Variants in OSBPL9 observed in about 807,000 individuals in gnomAD.
The protein encoded by OSBPL9 is oxysterol-binding protein-related protein 9.
OSBPL9 carries 40 observed loss-of-function variants against 106.6 expected under a neutral mutation model. The ratio of observed to expected loss-of-function variants is 0.38; its 90% CI spans 0.29 to 0.49. The LOEUF (loss-of-function observed/expected upper bound fraction) is 0.49, where lower values mean the gene tolerates loss of function less well. OSBPL9 is among the 20% of genes least tolerant of loss of function. The pLI is 0.97. For missense variants in OSBPL9, 609 were observed against 887.2 expected (o/e 0.69, Z 3.98); for synonymous variants, 269 against 295.4 (o/e 0.91, Z 0.92).
At chr1:51,546,615 T>A in the OSBPL9 span, among the ~76,000 whole-genome samples, 1 of 151,298 alleles carries the variant, frequency 6.6e-6, no homozygotes, top group South Asian at 2.1e-4. Context: ...GAGAATGGCA[T>A]GAACCCGGGA....
At chr1:51,579,987 T>G (rs1036825366) in intron 1 of OSBPL9, among the ~76,000 whole-genome samples, 1 of 152,180 alleles carries the variant, frequency 6.6e-6, no homozygotes, top group East Asian at 1.9e-4. Context: ...CCGTCCTTGT[T>G]CTGCTGTGAG....
At position 51,787,843 on chromosome 1, in the gene OSBPL9, CAACA is replaced by C. The variant is rs1265931504; in HGVS notation, c.*60_*63del. ...GATCAGGGCAGTAGGCATAATTCAG[CAACA>C]AACAATCTTCCTTTGGGAGAAACCT... On this transcript the variant is annotated 3_prime_UTR_variant, in exon 24 of 24. Coordinates refer to ENST00000428468, the MANE Select transcript of OSBPL9 (RefSeq NM_024586.6). 6.2e-6 allele frequency: 9 copies of C among 1,453,218 alleles called. No individual in the cohort carries two copies. The highest frequency in any genetic ancestry group is 2.3e-5 in the East Asian group (1 of 44,062). The allele number at this position is 1,453,218 out of a possible 1,614,324, so 90.0% of individuals were successfully genotyped here. A position where few individuals can be genotyped will look rare whatever the true frequency, so the allele number is the denominator to read the frequency against.
At chr1:51,628,995 A>G (rs369020382) in intron 1 of OSBPL9, among the ~76,000 whole-genome samples, 13 of 152,096 alleles carry the variant, frequency 8.5e-5, no homozygotes, top group African/African-American at 3.1e-4. Context: ...AACACTCTCT[A>G]TTCACTTGAG....
At chr1:51,703,646 G>A (rs373425979) in intron 3 of OSBPL9, among the ~76,000 whole-genome samples, 4 of 152,134 alleles carry the variant, frequency 2.6e-5, no homozygotes, top group Admixed American at 6.5e-5. Flanking sequence ...TCTCCTGCCT[G>A]ATTGCCCTGG....
At chr1:51,576,146 A>AT (rs1645182518), upstream of OSBPL9, among the ~76,000 whole-genome samples, 1 of 152,138 alleles carries the variant, frequency 6.6e-6, no homozygotes, top group Admixed American at 6.5e-5. Context: ...TGTCAATTTA[A>AT]TTTTCAGGCC....
intron 1 of OSBPL9, among the ~76,000 whole-genome samples, chr1:51,592,261 C>T (rs1645279797): frequency 6.6e-6 from 1 of 151,830 alleles, no homozygotes; most frequent in Non-Finnish European, 1.5e-5. Flanking sequence ...ACTACAGGCG[C>T]CCGCCACCAC....
chr1:51,781,961 G>A (rs1319758994), intron 16 of OSBPL9, among the ~76,000 whole-genome samples: 1 of 152,104 alleles, frequency 6.6e-6, no homozygotes, highest in African/African-American at 2.4e-5. Flanking sequence ...GGTCTGAGAT[G>A]GGGATGGGGC....
At chr1:51,706,395 T>A (rs1163917339) in intron 3 of OSBPL9, among the ~76,000 whole-genome samples, 1 of 152,124 alleles carries the variant, frequency 6.6e-6, no homozygotes, top group Non-Finnish European at 1.5e-5. Context: ...GAGTTATGAG[T>A]ATGTGCATCA....
At chr1:51,725,042 T>A (rs1662863695) in intron 4 of OSBPL9, 1 of 152,366 alleles carries the variant, frequency 6.6e-6, no homozygotes, top group African/African-American at 2.4e-5. Flanking sequence ...TTTCTCTGTT[T>A]CTTCTTCTGG....
the OSBPL9 span, among the ~76,000 whole-genome samples, chr1:51,519,715 CTT>C: frequency 1.3e-5 from 2 of 151,474 alleles, no homozygotes; most frequent in African/African-American, 2.5e-5. Context: ...GTACTAGACT[CTT>C]ATTTTTTGAA....
At chr1:51,571,339 T>C in the OSBPL9 span, among the ~76,000 whole-genome samples, 1 of 152,292 alleles carries the variant, frequency 6.6e-6, no homozygotes. Flanking sequence ...CACTTTCATG[T>C]CTGACATTAT....
intron 1 of OSBPL9, among the ~76,000 whole-genome samples, chr1:51,651,714 T>G (rs1445067834): frequency 1.3e-5 from 2 of 152,272 alleles, no homozygotes; most frequent in South Asian, 4.2e-4. Flanking sequence ...CATTCGTACT[T>G]AAGGGAATGA....
intron 6 of OSBPL9, among the ~76,000 whole-genome samples, chr1:51,748,075 C>T (rs1458845933): frequency 3.3e-5 from 5 of 152,194 alleles, no homozygotes; most frequent in African/African-American, 1.2e-4. Flanking sequence ...CGGCTCAAGC[C>T]ACCGTGCCCA....
At chr1:51,597,512 C>CAT (rs1313056521) in intron 1 of OSBPL9, among the ~76,000 whole-genome samples, 26 of 149,124 alleles carry the variant, frequency 1.7e-4, no homozygotes, top group South Asian at 1.3e-3. Context: ...TACACACACA[C>CAT]ATATATATAT....
intron 12 of OSBPL9, among the ~76,000 whole-genome samples, chr1:51,769,408 C>T (rs576158830): frequency 6.6e-6 from 1 of 152,212 alleles, no homozygotes; most frequent in East Asian, 1.9e-4. Flanking sequence ...TGGAGCCAGA[C>T]GTGTTTGAAA....
intron 2 of OSBPL9, among the ~76,000 whole-genome samples, chr1:51,666,708 G>T (rs1341068787): frequency 6.6e-6 from 1 of 152,136 alleles, no homozygotes; most frequent in Non-Finnish European, 1.5e-5. Flanking sequence ...ATTCATATGG[G>T]GTGTCTGTGA....
At chr1:51,744,849 A>G (rs1667645077) in intron 4 of OSBPL9, among the ~76,000 whole-genome samples, 1 of 152,242 alleles carries the variant, frequency 6.6e-6, no homozygotes, top group Non-Finnish European at 1.5e-5. Flanking sequence ...AAAAAGTAGG[A>G]CATGCAAATG....
intron 5 of OSBPL9, among the ~76,000 whole-genome samples, chr1:51,746,109 G>A (rs1472752363): frequency 1.3e-5 from 2 of 152,056 alleles, no homozygotes; most frequent in Non-Finnish European, 2.9e-5. Flanking sequence ...GGATTACAGA[G>A]GTGCCCGTAT....
chr1:51,592,725 G>A (rs1340749734), intron 1 of OSBPL9, among the ~76,000 whole-genome samples: 1 of 152,136 alleles, frequency 6.6e-6, no homozygotes, highest in African/African-American at 2.4e-5. Context: ...TTCATCAACT[G>A]CCTGGGGCTT....
Sources: allele counts gnomAD v4.1 joint callset (sites outside exome capture counted in the v4.1 genomes callset), GRCh38; gene constraint gnomAD v4.1.1; transcripts MANE v1.5; gene names NCBI Gene and HGNC (gene_info 2026-07-23, HGNC 2026-07-21).